The following LPA variants were observed in gnomAD, a reference collection of about 807,000 sequenced individuals.
The protein encoded by LPA is lipoprotein(a).
Under a neutral mutation model 197.9 loss-of-function variants are expected in LPA, and 199 were observed. That is an observed-to-expected ratio of 1.01 (90% CI 0.90 to 1.13). The LOEUF (loss-of-function observed/expected upper bound fraction) is 1.13, where lower values mean the gene tolerates loss of function less well. Among genes scored for constraint, LPA ranks in the 50% most tolerant of loss-of-function variants. LPA has a pLI of 0.00. For missense variants in LPA, 1,853 were observed against 1,785.8 expected (o/e 1.04, Z -0.68); for synonymous variants, 715 against 639.5 (o/e 1.12, Z -1.78).
rs41271038 is a variant in LPA, at chr6:160,594,140, C to A, written c.3470-23G>T. On this transcript the variant is annotated intron_variant, in intron 21 of 38. Transcript: ENST00000316300. ...GTGCTGAAATTCAAAGAGGAGAAAT[C>A]AAGCTGAGTAATTTCTAGAACACAG... 1.6e-3 allele frequency: 2,523 copies of A among 1,613,502 alleles called. 26 individuals carry two copies. In the African/African-American group the frequency reaches 0.031, roughly 20 times the overall value.
intron 17 of LPA, among the ~76,000 whole-genome samples, chr6:160,605,610 T>C (rs1261790055): frequency 6.6e-6 from 1 of 152,148 alleles, no homozygotes; most frequent in Non-Finnish European, 1.5e-5. Flanking sequence ...GTACAGGCCA[T>C]ACATGGTGAT....
chr6:160,599,735 A>G (rs1562338877), intron 19 of LPA, 76 bp from the exon 20 acceptor site: 1 of 1,517,718 alleles, frequency 6.6e-7, no homozygotes, highest in African/African-American at 1.4e-5. Flanking sequence ...TATGACATAA[A>G]CCAAAAAAGA....
chr6:160,615,349 A>AATTTGTGTGTGTGT (rs1562346197), intron 14 of LPA, among the ~76,000 whole-genome samples: 17 of 141,544 alleles, frequency 1.2e-4, no homozygotes, highest in African/African-American at 4.5e-4. Flanking sequence ...GTGTGTTTTC[A>AATTTGTGTGTGTGT]GTTTGTGTGT....
At chr6:160,592,982 C>A (rs1278986609) in intron 22 of LPA, among the ~76,000 whole-genome samples, 1 of 152,124 alleles carries the variant, frequency 6.6e-6, no homozygotes, top group African/African-American at 2.4e-5. Context: ...CTTTATTGTT[C>A]TTTCTTTGTG....
At position 160,541,068 on chromosome 6, in the gene LPA, T is replaced by G. The variant is rs200847609; in HGVS notation, c.5594+39A>C. On this transcript the variant is annotated intron_variant, in intron 35 of 38. Transcript: ENST00000316300. ...AGGAAGAGAGGGAGGAAAAAAGTCT[T>G]GAAGATAAGACCCCATGTCAGTTTT... 3.2e-6 allele frequency: 5 copies of G among 1,574,586 alleles called. No homozygotes were observed. The African/African-American group carries it at 6.7e-5, about 21-fold the overall frequency.
chr6:160,581,130 G>GT (rs1329348348), intron 26 of LPA, among the ~76,000 whole-genome samples: 4 of 151,964 alleles, frequency 2.6e-5, no homozygotes, highest in Non-Finnish European at 4.4e-5. Flanking sequence ...ATTTGTTATA[G>GT]TTTTTTTCTA....
intron 18 of LPA, among the ~76,000 whole-genome samples, chr6:160,603,233 G>GGT (rs72482597): frequency 0.081 from 11,783 of 144,780 alleles, 562 homozygotes; most frequent in Admixed American, 0.11. Context: ...TATTTGTGGA[G>GGT]GTGTGTGTGT....
intron 32 of LPA, among the ~76,000 whole-genome samples, chr6:160,547,095 A>G (rs1319866443): frequency 2.0e-5 from 3 of 152,174 alleles, no homozygotes; most frequent in Non-Finnish European, 4.4e-5. Flanking sequence ...GGATGACTCA[A>G]GTACCTTCCA....
intron 16 of LPA, 32 bp downstream of exon 16, chr6:160,611,530 T>A (rs781281420): frequency 2.5e-6 from 4 of 1,607,060 alleles, no homozygotes; most frequent in African/African-American, 1.3e-5. Context: ...AGTTGGCCCT[T>A]TATTCTCTTA....
At chr6:160,557,054 TTTA>T (rs1778276319) in intron 29 of LPA, among the ~76,000 whole-genome samples, 1 of 152,092 alleles carries the variant, frequency 6.6e-6, no homozygotes, top group Non-Finnish European at 1.5e-5. Flanking sequence ...CACTGTCCAT[TTTA>T]ATAAATGCCT....
intron 37 of LPA, among the ~76,000 whole-genome samples, chr6:160,535,434 AGTAGTG>A (rs1257430251): frequency 2.0e-3 from 1 of 504 alleles, no homozygotes; most frequent in African/African-American, 7.0e-3. Context: ...TGATGGTGGT[AGTAGTG>A]GTAGTGGTAG....
chr6:160,659,812 C>T (rs143554982), intron 1 of LPA, among the ~76,000 whole-genome samples: 10 of 152,278 alleles, frequency 6.6e-5, no homozygotes, highest in Admixed American at 1.3e-4. Flanking sequence ...GGCAGCTACA[C>T]TGTGCTGGAG....
At chr6:160,664,043 T>A (rs557627438) in intron 1 of LPA, 123 bp downstream of exon 1, 37 of 1,275,192 alleles carry the variant, frequency 2.9e-5, no homozygotes, top group Non-Finnish European at 3.9e-5. Flanking sequence ...TATACAAGAT[T>A]TTGAACTGGG....
intron 28 of LPA, among the ~76,000 whole-genome samples, chr6:160,576,352 A>G (rs1482596470): frequency 4.5e-5 from 2 of 44,376 alleles, no homozygotes; most frequent in African/African-American, 3.4e-4. Context: ...ATATATATAT[A>G]TATATATATA....
At chr6:160,557,986 C>T (rs1416256491) in intron 28 of LPA, among the ~76,000 whole-genome samples, 2 of 151,038 alleles carry the variant, frequency 1.3e-5, no homozygotes, top group African/African-American at 2.4e-5. Context: ...GTGGCGCAAT[C>T]TCGGCTCACT....
intron 36 of LPA, among the ~76,000 whole-genome samples, chr6:160,538,363 T>G (rs1181879760): frequency 2.0e-5 from 3 of 152,202 alleles, no homozygotes; most frequent in Non-Finnish European, 4.4e-5. Flanking sequence ...GGTATAAAAT[T>G]GCAAATGCCT....
intron 35 of LPA, 117 bp from the exon 36 acceptor site, chr6:160,540,300 A>G (rs958792500): frequency 8.8e-7 from 1 of 1,138,568 alleles, no homozygotes; most frequent in African/African-American, 1.5e-5. Context: ...TCAGTGACTT[A>G]TGAGTGGCAA....
chr6:160,557,693 G>T, intron 28 of LPA, 122 bp from the exon 29 acceptor site: 1 of 821,056 alleles, frequency 1.2e-6, no homozygotes, highest in Non-Finnish European at 2.0e-6. Flanking sequence ...CCCATTTTAG[G>T]TACAATAATA....
intron 23 of LPA, 108 bp downstream of exon 23, chr6:160,590,836 C>A: frequency 6.9e-7 from 1 of 1,458,776 alleles, no homozygotes. Context: ...ACCCTGAGTC[C>A]ACATTCAGAT....
Sources: gnomAD v4.1 joint callset for allele counts (sites outside exome capture counted in the v4.1 genomes callset) on GRCh38, gnomAD v4.1.1 for gene constraint, MANE v1.5 for transcripts, NCBI Gene and HGNC (gene_info 2026-07-23, HGNC 2026-07-21) for gene names.